Variants in PRKCA observed in about 807,000 individuals in gnomAD.
The protein encoded by PRKCA is protein kinase C alpha, also known as protein kinase C alpha type.
PRKCA carries 27 observed loss-of-function variants against 87.0 expected under a neutral mutation model. The ratio of observed to expected loss-of-function variants is 0.31; its 90% CI spans 0.23 to 0.43. The LOEUF is 0.43. Ranked by LOEUF, PRKCA falls within the 20% of genes least tolerant of loss-of-function variation. PRKCA has a pLI of 1.00. For synonymous variants in PRKCA, 329 were observed against 311.1 expected (o/e 1.06, Z -0.61); for missense variants, 518 against 852.3 (o/e 0.61, Z 4.88).
At chr17:66,306,565 T>A (rs1301435204) in intron 2 of PRKCA, among the ~76,000 whole-genome samples, 1 of 152,200 alleles carries the variant, frequency 6.6e-6, no homozygotes, top group Non-Finnish European at 1.5e-5. Flanking sequence ...TTGTTTTGTT[T>A]AGAATACCAG....
chr17:66,586,921 A>T (rs952017064), intron 3 of PRKCA, among the ~76,000 whole-genome samples: 1 of 152,192 alleles, frequency 6.6e-6, no homozygotes, highest in Admixed American at 6.5e-5. Context: ...GACACAGGTG[A>T]GGCTGTGGAG....
At chr17:66,303,509 G>GT (rs1175407536) in intron 1 of PRKCA, among the ~76,000 whole-genome samples, 4 of 151,704 alleles carry the variant, frequency 2.6e-5, no homozygotes, top group African/African-American at 4.8e-5. Context: ...GGGGTGGGGG[G>GT]GTTGTGTTTG....
At chr17:66,337,077 C>T (rs771100605) in intron 2 of PRKCA, among the ~76,000 whole-genome samples, 1 of 152,158 alleles carries the variant, frequency 6.6e-6, no homozygotes, top group African/African-American at 2.4e-5. Context: ...AGGCGTGAGC[C>T]ACCGTGCCCA....
intron 2 of PRKCA, among the ~76,000 whole-genome samples, chr17:66,361,195 A>G (rs73324151): frequency 0.013 from 1,916 of 152,210 alleles, 36 homozygotes; most frequent in African/African-American, 0.043. Context: ...ACTGATATCA[A>G]CCAAACCAAA....
intron 3 of PRKCA, among the ~76,000 whole-genome samples, chr17:66,631,285 G>A (rs565242309): frequency 2.6e-5 from 4 of 152,212 alleles, no homozygotes; most frequent in East Asian, 1.9e-4. Flanking sequence ...GTAGGTGTAC[G>A]GTAAATAATT....
intron 2 of PRKCA, among the ~76,000 whole-genome samples, chr17:66,428,216 AAAC>A (rs2143820864): frequency 6.6e-6 from 1 of 152,346 alleles, no homozygotes; most frequent in South Asian, 2.1e-4. Flanking sequence ...AGGGATAAAG[AAAC>A]CTGATAGATT....
intron 2 of PRKCA, among the ~76,000 whole-genome samples, chr17:66,340,903 C>T (rs8078231): frequency 0.32 from 49,072 of 151,872 alleles, 8,853 homozygotes; most frequent in African/African-American, 0.48. Context: ...GAGTTATTGT[C>T]AAAAGCTGCG....
intron 3 of PRKCA, among the ~76,000 whole-genome samples, chr17:66,633,240 C>T (rs137899352): frequency 1.3e-5 from 2 of 152,128 alleles, no homozygotes; most frequent in African/African-American, 4.8e-5. Flanking sequence ...GATCATATGA[C>T]TTGGTTTTGG....
At chr17:66,579,158 C>T (rs1969339059) in intron 3 of PRKCA, among the ~76,000 whole-genome samples, 1 of 152,134 alleles carries the variant, frequency 6.6e-6, no homozygotes, top group South Asian at 2.1e-4. Flanking sequence ...GTGGCTTTGC[C>T]CCCCATTGAA....
At chr17:66,555,504 G>A (rs1254984050) in intron 3 of PRKCA, among the ~76,000 whole-genome samples, 1 of 152,122 alleles carries the variant, frequency 6.6e-6, no homozygotes, top group African/African-American at 2.4e-5. Context: ...AGAGAAGCAG[G>A]ATTGCTGCCT....
At chr17:66,547,168 G>A (rs1968167663) in intron 3 of PRKCA, among the ~76,000 whole-genome samples, 1 of 152,102 alleles carries the variant, frequency 6.6e-6, no homozygotes, top group South Asian at 2.1e-4. Flanking sequence ...ATATGCCTGT[G>A]TATGTTACAT....
At chr17:66,777,650 C>G (rs1028995191) in intron 14 of PRKCA, 2 of 985,142 alleles carry the variant, frequency 2.0e-6, no homozygotes, top group African/African-American at 3.5e-5. Flanking sequence ...CACAAAAAGC[C>G]AAGTCCCCCT....
intron 13 of PRKCA, among the ~76,000 whole-genome samples, chr17:66,772,159 A>G (rs1487598644): frequency 6.6e-6 from 1 of 152,204 alleles, no homozygotes; most frequent in East Asian, 1.9e-4. Context: ...AATGAGATGT[A>G]TCATCCCCGG....
intron 2 of PRKCA, among the ~76,000 whole-genome samples, chr17:66,445,780 T>G (rs1037006974): frequency 6.6e-6 from 1 of 151,946 alleles, no homozygotes; most frequent in Admixed American, 6.6e-5. Context: ...CTGTCTACAT[T>G]AGGGTTGGGT....
At chr17:66,396,149 G>C (rs1259600655) in intron 2 of PRKCA, among the ~76,000 whole-genome samples, 1 of 151,718 alleles carries the variant, frequency 6.6e-6, no homozygotes, top group Non-Finnish European at 1.5e-5. Context: ...CTCAGTCTTT[G>C]GGTGGGTGAA....
chr17:66,677,731 C>T (rs1054155434), intron 5 of PRKCA, among the ~76,000 whole-genome samples: 1 of 152,162 alleles, frequency 6.6e-6, no homozygotes, highest in Non-Finnish European at 1.5e-5. Context: ...ATCTGGAAAA[C>T]GGGCATCTGA....
chr17:66,785,930 G>A (rs562931065), intron 14 of PRKCA, among the ~76,000 whole-genome samples: 1 of 152,330 alleles, frequency 6.6e-6, no homozygotes, highest in East Asian at 1.9e-4. Context: ...CCAGGTTCAG[G>A]CCATTCTCCT....
intron 13 of PRKCA, among the ~76,000 whole-genome samples, chr17:66,755,998 G>T (rs962530520): frequency 9.2e-5 from 14 of 152,130 alleles, no homozygotes; most frequent in African/African-American, 3.4e-4. Context: ...ACTAGTGCTG[G>T]GGTGCAAAAA....
At chr17:66,661,571 C>T (rs1202030813) in intron 5 of PRKCA, among the ~76,000 whole-genome samples, 1 of 152,184 alleles carries the variant, frequency 6.6e-6, no homozygotes, top group Non-Finnish European at 1.5e-5. Flanking sequence ...AACACGTCAA[C>T]CTGCTCCTGG....
Sources: gnomAD v4.1 joint callset for allele counts (sites outside exome capture counted in the v4.1 genomes callset) on GRCh38, gnomAD v4.1.1 for gene constraint, MANE v1.5 for transcripts, NCBI Gene and HGNC (gene_info 2026-07-23, HGNC 2026-07-21) for gene names.